SLCO4A1: variants seen among roughly 807,000 people sequenced by gnomAD.
SLCO4A1 encodes solute carrier organic anion transporter family member 4A1.
In SLCO4A1, 51 loss-of-function variants were observed where a neutral mutation model predicts 64.6. That is an observed-to-expected ratio of 0.79 (90% CI 0.63 to 1.00). The LOEUF (loss-of-function observed/expected upper bound fraction) is 1.00. Among genes scored for constraint, SLCO4A1 ranks in the 50% least tolerant of loss-of-function variants. The pLI, the probability that SLCO4A1 is intolerant of heterozygous loss-of-function variation, is 0.00. For missense variants in SLCO4A1, 919 were observed against 980.5 expected (o/e 0.94, Z 0.84); for synonymous variants, 471 against 444.9 (o/e 1.06, Z -0.74).
intron 1 of SLCO4A1, chr20:62,649,226 C>G (rs1021120465): frequency 6.6e-6 from 1 of 152,300 alleles, no homozygotes; most frequent in Non-Finnish European, 1.5e-5. Context: ...TCAGTCCAAG[C>G]CCAAAGGCAG....
At chr20:62,688,076 A>G (rs1200334506), downstream of SLCO4A1, among the ~76,000 whole-genome samples, 1 of 151,280 alleles carries the variant, frequency 6.6e-6, no homozygotes, top group Non-Finnish European at 1.5e-5. Flanking sequence ...TCCCAGCACC[A>G]CCAACTTCAT....
rs1455244452 is a variant in SLCO4A1, at chr20:62,656,344, A to T, written c.-96-15A>T. 1.1e-6 allele frequency: 1 copy of T among 917,926 alleles called. No individual in the cohort carries two copies. The highest frequency in any genetic ancestry group is 1.7e-5 in the African/African-American group (1 of 59,878). The allele number at this position is 917,926 out of a possible 1,614,324, so 56.9% of individuals were successfully genotyped here. On this transcript the variant is annotated splice_polypyrimidine_tract_variant and intron_variant, in intron 1 of 11. Coordinates refer to ENST00000217159, the MANE Select transcript of SLCO4A1 (RefSeq NM_016354.4). ...GGAGAGACGTGAGCTTGCTAACCAG[A>T]CATTCTTCTCACAGGACACACCAGC...
At position 62,671,676 on chromosome 20, in the gene SLCO4A1, T is replaced by TGGGACAGGCCC. The variant is rs1987233084; in HGVS notation, c.2026-73_2026-63dup. The TGGGACAGGCCC allele has an allele frequency of 2.8e-6, 4 of 1,441,376 alleles. No individual in the cohort carries two copies. The African/African-American group carries it at 4.2e-5, about 15-fold the overall frequency. 89.3% of individuals were successfully genotyped at this position (1,441,376 alleles called of 1,614,324 possible). A position where few individuals can be genotyped will look rare whatever the true frequency, so the allele number is the denominator to read the frequency against. On this transcript the variant is annotated intron_variant, in intron 11 of 11. Coordinates refer to ENST00000217159, the MANE Select transcript of SLCO4A1 (RefSeq NM_016354.4). ...CTGCAGGCTGGGGCAGGGACAGGAC[T>TGGGACAGGCCC]GGGACAGGCCCACCAGTATCCAAAG...
rs111699162 is a variant in SLCO4A1 at position 62,669,176 on chromosome 20, T to C, written c.2025+98T>C. 7,327 of 1,196,320 alleles carry C rather than the reference T, an allele frequency of 6.1e-3. 275 individuals are homozygous for C. The African/African-American group carries it at 0.089, about 15-fold the overall frequency. 74.1% of individuals were successfully genotyped at this position (1,196,320 alleles called of 1,614,324 possible). A position where few individuals can be genotyped will look rare whatever the true frequency, so the allele number is the denominator to read the frequency against. On this transcript the variant is annotated intron_variant, in intron 11 of 11. Transcript: ENST00000217159. ...TCCAGCAGCTTGGACCACAGCCTAG[T>C]ACATCACAGATGTTCCTGCAGCCAG...
Position 62,667,721 on chromosome 20 carries a change from C to G in SLCO4A1, c.1473-24C>G, listed in dbSNP as rs75017469. 8.2e-4 allele frequency: 1,315 copies of G among 1,595,984 alleles called. 16 individuals carry two copies. The African/African-American group carries it at 0.016, about 19-fold the overall frequency. On this transcript the variant is annotated intron_variant, in intron 7 of 11. Coordinates refer to ENST00000217159, the MANE Select transcript of SLCO4A1 (RefSeq NM_016354.4). The stretch of plus-strand genomic sequence containing the variant: ...AGCATGGCTCTGGCCTGGACCCTAC[C>G]ACTCGCTTGTCCCCCCTCTGCAGCC...
chr20:62,664,542 C>T (rs905657718), intron 5 of SLCO4A1, among the ~76,000 whole-genome samples: 1 of 152,182 alleles, frequency 6.6e-6, no homozygotes, highest in Non-Finnish European at 1.5e-5. Context: ...CACTTGGGGT[C>T]TCTCCCCACC....
intron 1 of SLCO4A1, among the ~76,000 whole-genome samples, chr20:62,646,941 G>C (rs1981446408): frequency 6.6e-6 from 1 of 152,240 alleles, no homozygotes. Flanking sequence ...GTGGAGACTG[G>C]GTGCAAGCAG....
At chr20:62,667,450 T>C (rs947851506) in intron 7 of SLCO4A1, 2 of 425,958 alleles carry the variant, frequency 4.7e-6, no homozygotes, top group African/African-American at 3.9e-5. Context: ...TTGATCCATA[T>C]GAATGTGTTG....
chr20:62,688,056 G>T (rs576682443), downstream of SLCO4A1, among the ~76,000 whole-genome samples: 1 of 151,540 alleles, frequency 6.6e-6, no homozygotes, highest in East Asian at 2.0e-4. Context: ...CAGCTTCATT[G>T]CTTTCCAGGT....
chr20:62,647,209 G>A (rs928699326), intron 1 of SLCO4A1, among the ~76,000 whole-genome samples: 6 of 152,236 alleles, frequency 3.9e-5, no homozygotes, highest in African/African-American at 1.4e-4. Flanking sequence ...AGACCCTGGA[G>A]TGAATTTGGA....
At chr20:62,652,650 C>T (rs762336655) in intron 1 of SLCO4A1, among the ~76,000 whole-genome samples, 5 of 152,184 alleles carry the variant, frequency 3.3e-5, no homozygotes, top group Admixed American at 3.3e-4. Flanking sequence ...GAATGTCTCT[C>T]CTTCCACGCA....
chr20:62,666,840 G>A (rs943649689), intron 7 of SLCO4A1: 15 of 471,648 alleles, frequency 3.2e-5, no homozygotes, highest in Non-Finnish European at 5.4e-5. Flanking sequence ...TCAGCACTCT[G>A]CTCTGTAGCT....
intron 11 of SLCO4A1, 89 bp downstream of exon 11, chr20:62,669,167 A>G: frequency 8.1e-7 from 1 of 1,236,150 alleles, no homozygotes; most frequent in South Asian, 1.3e-5. Context: ...AGCTTGGACC[A>G]CAGCCTAGTA....
intron 10 of SLCO4A1, 109 bp downstream of exon 10, chr20:62,668,650 GT>G (rs1161110241): frequency 9.1e-7 from 1 of 1,102,138 alleles, no homozygotes; most frequent in Non-Finnish European, 1.4e-6. Context: ...GCAGGAGGCT[GT>G]TCCCGCCTGG....
intron 2 of SLCO4A1, among the ~76,000 whole-genome samples, chr20:62,678,832 T>C (rs535420262): frequency 7.9e-5 from 12 of 152,288 alleles, no homozygotes; most frequent in Admixed American, 2.0e-4. Flanking sequence ...GTGGTTTCAC[T>C]TACACAACAG....
chr20:62,684,538 C>T (rs1158872254), intron 2 of SLCO4A1, among the ~76,000 whole-genome samples: 1 of 152,202 alleles, frequency 6.6e-6, no homozygotes, highest in African/African-American at 2.4e-5. Context: ...CCACCACAAT[C>T]ACAGGGGAGA....
intron 7 of SLCO4A1, 98 bp from the exon 8 acceptor site, chr20:62,667,647 G>T: frequency 7.1e-7 from 1 of 1,416,828 alleles, no homozygotes. Context: ...CCGAAATGCA[G>T]GCTGCATGGG....
chr20:62,683,739 G>T, intron 2 of SLCO4A1, among the ~76,000 whole-genome samples: 1 of 152,186 alleles, frequency 6.6e-6, no homozygotes, highest in South Asian at 2.1e-4. Context: ...GGGCGACACC[G>T]TCTGGGTTTG....
intron 1 of SLCO4A1, among the ~76,000 whole-genome samples, chr20:62,654,318 A>T (rs1270247885): frequency 1.3e-5 from 2 of 152,174 alleles, no homozygotes; most frequent in Non-Finnish European, 2.9e-5. Flanking sequence ...ATCTGCAAAG[A>T]CGCTTTTTCC....
Sources: gnomAD v4.1 joint callset for allele counts (sites outside exome capture counted in the v4.1 genomes callset) on GRCh38, gnomAD v4.1.1 for gene constraint, MANE v1.5 for transcripts, NCBI Gene and HGNC (gene_info 2026-07-23, HGNC 2026-07-21) for gene names.